The following CNTNAP2 variants were observed in gnomAD, a reference collection of about 807,000 sequenced individuals.
CNTNAP2 encodes contactin-associated protein-like 2.
A neutral mutation model predicts 155.2 loss-of-function variants in CNTNAP2; 98 were observed. The observed-to-expected ratio is 0.63, with a 90% CI of 0.54 to 0.75. The LOEUF is 0.75. CNTNAP2 is among the 30% of genes least tolerant of loss of function. CNTNAP2 has a pLI of 0.00. For synonymous variants in CNTNAP2, 651 were observed against 631.2 expected, an observed-to-expected ratio of 1.03 and a Z score of -0.47; for missense variants, 1,727 against 1,688.1, an observed-to-expected ratio of 1.02 and a Z score of -0.40.
At chr7:146,340,004 C>T (rs998800756) in intron 1 of CNTNAP2, among the ~76,000 whole-genome samples, 2 of 151,712 alleles carry the variant, frequency 1.3e-5, no homozygotes, top group African/African-American at 4.8e-5. Context: ...CCCGTCTCTA[C>T]TAGAAATACA....
At chr7:147,455,092 T>C (rs1378363169) in intron 10 of CNTNAP2, among the ~76,000 whole-genome samples, 1 of 152,144 alleles carries the variant, frequency 6.6e-6, no homozygotes, top group Non-Finnish European at 1.5e-5. Flanking sequence ...TTTGACTTTC[T>C]GATCACCCAT....
intron 1 of CNTNAP2, among the ~76,000 whole-genome samples, chr7:146,398,107 A>C (rs1795659076): frequency 6.6e-6 from 1 of 150,842 alleles, no homozygotes; most frequent in South Asian, 2.1e-4. Context: ...CCTGGGCTCA[A>C]GTGATCCGCC....
chr7:146,762,929 C>T (rs1339502879), intron 1 of CNTNAP2, among the ~76,000 whole-genome samples: 2 of 152,178 alleles, frequency 1.3e-5, no homozygotes, highest in Non-Finnish European at 2.9e-5. Context: ...CCTCCCATGA[C>T]ATGTGGGAAT....
intron 11 of CNTNAP2, among the ~76,000 whole-genome samples, chr7:147,540,563 A>G (rs760060151): frequency 2.2e-4 from 33 of 152,198 alleles, no homozygotes; most frequent in Non-Finnish European, 4.6e-4. Flanking sequence ...CAGTAACAAT[A>G]TATTGCAAGG....
At chr7:147,745,112 T>C (rs1563074406) in intron 13 of CNTNAP2, among the ~76,000 whole-genome samples, 1 of 152,222 alleles carries the variant, frequency 6.6e-6, no homozygotes, top group African/African-American at 2.4e-5. Context: ...ATCAGGTTGT[T>C]TGTGTTCTAA....
chr7:146,361,149 T>C (rs1289911314), intron 1 of CNTNAP2, among the ~76,000 whole-genome samples: 1 of 152,152 alleles, frequency 6.6e-6, no homozygotes, highest in Non-Finnish European at 1.5e-5. Flanking sequence ...AAAAATGACA[T>C]CTTAACTACA....
chr7:147,829,654 G>A (rs749315702), intron 13 of CNTNAP2, among the ~76,000 whole-genome samples: 2 of 152,154 alleles, frequency 1.3e-5, no homozygotes. Flanking sequence ...TGTCTGGCTA[G>A]CTGGAAAGCC....
intron 21 of CNTNAP2, among the ~76,000 whole-genome samples, chr7:148,348,795 T>A (rs933531952): frequency 2.6e-5 from 4 of 152,366 alleles, no homozygotes. Flanking sequence ...ACAGCTTCAA[T>A]CACACAGATT....
intron 1 of CNTNAP2, among the ~76,000 whole-genome samples, chr7:146,318,611 C>A (rs995910771): frequency 6.6e-6 from 1 of 152,028 alleles, no homozygotes; most frequent in Admixed American, 6.6e-5. Context: ...AAAACACACA[C>A]CTTAAGCAAA....
intron 1 of CNTNAP2, among the ~76,000 whole-genome samples, chr7:146,203,344 C>T (rs1798897023): frequency 6.6e-6 from 1 of 152,194 alleles, no homozygotes; most frequent in African/African-American, 2.4e-5. Context: ...CCTACAAACC[C>T]TTCCTTTGGG....
intron 1 of CNTNAP2, among the ~76,000 whole-genome samples, chr7:146,162,835 G>A (rs996091999): frequency 6.6e-6 from 1 of 152,168 alleles, no homozygotes; most frequent in East Asian, 1.9e-4. Context: ...CCATAAAAAA[G>A]GATGAGTTCA....
At chr7:147,721,411 A>G (rs549272051) in intron 13 of CNTNAP2, among the ~76,000 whole-genome samples, 1 of 152,210 alleles carries the variant, frequency 6.6e-6, no homozygotes, top group Non-Finnish European at 1.5e-5. Flanking sequence ...ACAAAAAATT[A>G]CTGAGACTTC....
intron 10 of CNTNAP2, among the ~76,000 whole-genome samples, chr7:147,413,692 T>A (rs1048883420): frequency 3.9e-5 from 6 of 152,188 alleles, no homozygotes; most frequent in Non-Finnish European, 1.5e-5. Flanking sequence ...TCAGTGTGAT[T>A]GAAGAGAACA....
chr7:148,059,167 A>G (rs1057219208), intron 15 of CNTNAP2, among the ~76,000 whole-genome samples: 2 of 152,172 alleles, frequency 1.3e-5, no homozygotes, highest in African/African-American at 2.4e-5. Flanking sequence ...ACACTGCTGT[A>G]GTCCCAGCTG....
intron 13 of CNTNAP2, among the ~76,000 whole-genome samples, chr7:147,741,546 A>G (rs747758732): frequency 6.6e-6 from 1 of 152,252 alleles, no homozygotes; most frequent in Non-Finnish European, 1.5e-5. Context: ...GTTAATAAAC[A>G]ACTCTTTCTT....
At chr7:146,449,933 T>G (rs2129121996) in intron 1 of CNTNAP2, among the ~76,000 whole-genome samples, 1 of 152,300 alleles carries the variant, frequency 6.6e-6, no homozygotes, top group Middle Eastern at 3.4e-3. Flanking sequence ...TCCAGTTGAT[T>G]TCTGTGGAGC....
chr7:147,972,336 G>A (rs944349881), intron 14 of CNTNAP2, among the ~76,000 whole-genome samples: 8 of 152,132 alleles, frequency 5.3e-5, no homozygotes, highest in African/African-American at 1.9e-4. Flanking sequence ...TTACTGTATA[G>A]GAAAACTCAG....
At chr7:147,650,833 T>A (rs544653139) in intron 13 of CNTNAP2, among the ~76,000 whole-genome samples, 11 of 143,304 alleles carry the variant, frequency 7.7e-5, no homozygotes, top group African/African-American at 3.0e-4. Flanking sequence ...AGAGTGAAAT[T>A]TTTTTTATGA....
At chr7:148,183,689 C>T (rs533722658) in intron 18 of CNTNAP2, among the ~76,000 whole-genome samples, 7 of 151,882 alleles carry the variant, frequency 4.6e-5, no homozygotes, top group Non-Finnish European at 1.0e-4. Flanking sequence ...ACTGTGTTGC[C>T]CAGGCTGGTC....
Sources: gnomAD v4.1 joint callset for allele counts (sites outside exome capture counted in the v4.1 genomes callset) on GRCh38, gnomAD v4.1.1 for gene constraint, MANE v1.5 for transcripts, NCBI Gene and HGNC (gene_info 2026-07-23, HGNC 2026-07-21) for gene names.